The following NUP98 variants were observed in gnomAD, a reference collection of about 807,000 sequenced individuals.
The protein encoded by NUP98 is nuclear pore complex protein Nup98-Nup96.
NUP98 carries 26 observed loss-of-function variants against 191.9 expected under a neutral mutation model. That is an observed-to-expected ratio of 0.14 (90% CI 0.10 to 0.19). The LOEUF (loss-of-function observed/expected upper bound fraction) is 0.19, where lower values mean the gene tolerates loss of function less well. Ranked by LOEUF, NUP98 falls within the 10% of genes least tolerant of loss-of-function variation. The probability of loss-of-function intolerance (pLI) is 1.00; values close to 1 mark genes in which losing one functional copy is unlikely to be tolerated. For missense variants in NUP98, 1,941 were observed against 2,178.8 expected (o/e 0.89, Z 2.17); for synonymous variants, 808 against 778.4 (o/e 1.04, Z -0.63).
chr11:3,696,373 G>A (rs1011476334), intron 25 of NUP98, among the ~76,000 whole-genome samples: 3 of 151,908 alleles, frequency 2.0e-5, no homozygotes, highest in Non-Finnish European at 4.4e-5. Flanking sequence ...GTGGTGGCAC[G>A]TGACTGGAGT....
At chr11:3,683,713 AT>A (rs35621364) in intron 29 of NUP98, among the ~76,000 whole-genome samples, 111,726 of 151,502 alleles carry the variant, frequency 0.74, 42,377 homozygotes, top group Admixed American at 0.87. Context: ...TAATTTTGTA[AT>A]TTTAGTAGAG....
intron 8 of NUP98, among the ~76,000 whole-genome samples, chr11:3,768,256 C>T (rs2081405287): frequency 6.6e-6 from 1 of 151,824 alleles, no homozygotes; most frequent in African/African-American, 2.4e-5. Flanking sequence ...CCCATCTGTA[C>T]TAAAAACACA....
In NUP98 at chr11:3,691,246, T is replaced by TA. The variant is rs2078301188; in HGVS notation, c.4454+100dup. ...TTATATTTGGTAGTTTATATGGACT[T>TA]ACAGCAATCTGGGGACATATAAAAG... On this transcript the variant is annotated intron_variant, in intron 28 of 32. Transcript: ENST00000324932. The TA allele has an allele frequency of 8.5e-6, 11 of 1,289,128 alleles. No individual in the cohort carries two copies. In the South Asian group the frequency reaches 1.3e-4, roughly 15 times the overall value. 79.9% of individuals were successfully genotyped at this position (1,289,128 alleles called of 1,614,324 possible).
chr11:3,797,448 C>G lies in NUP98; in HGVS notation c.-77G>C. The G allele has an allele frequency of 2.4e-6, 1 of 414,384 alleles. No homozygotes were observed. Among genetic ancestry groups the G allele is most frequent in the Non-Finnish European group, 4.2e-6 (1 of 235,302 alleles). The allele number at this position is 414,384 out of a possible 1,614,324, so 25.7% of individuals were successfully genotyped here. The stretch of plus-strand genomic sequence containing the variant: ...GTGTCAGGAGTCCCCTGCTGCCACC[C>G]GCCGCTCACAGAGCAGCGCGCGGCC... On this transcript the variant is annotated 5_prime_UTR_variant, in exon 1 of 33. Transcript: ENST00000324932.
rs1042027964 is a variant in NUP98 at position 3,772,990 on chromosome 11, CAA to C, written c.603+640_603+641del. ...AGATGCTGTCTCAAAAACAAACAAA[CAA>C]AAAAAACAAAAAAAAACCAACTTTT... On this transcript the variant is annotated intron_variant, in intron 6 of 32. Transcript: ENST00000324932. Among the ~76,000 whole-genome samples the C allele has an allele frequency of 3.3e-5, 5 of 150,220 alleles. No homozygotes were observed. In the East Asian group the frequency reaches 9.7e-4, roughly 29 times the overall value.
At chr11:3,722,055 T>C (rs1221488156) in intron 16 of NUP98, among the ~76,000 whole-genome samples, 1 of 148,506 alleles carries the variant, frequency 6.7e-6, no homozygotes, top group Non-Finnish European at 1.5e-5. Flanking sequence ...AGTAGCATAA[T>C]AAATTCATGT....
At chr11:3,684,619 T>TG (rs920280330) in intron 29 of NUP98, among the ~76,000 whole-genome samples, 22 of 152,236 alleles carry the variant, frequency 1.4e-4, no homozygotes, top group African/African-American at 5.3e-4. Flanking sequence ...TTTCATTCCC[T>TG]GTTAAAGGGG....
rs2078304941 is a variant in NUP98, at chr11:3,691,379, G to A, written c.4422C>T (p.Val1474=). ...TGTAGAGTTTTAGAAGGTGAAAGCA[G>A]ACATCTCGAAGTGGTGTCTGTGAGT... The part of the protein sequence containing the change: ...EQNSQTPLRD[V]CFHLLKLYSD... Residue 1474 remains valine (V), a synonymous_variant, in exon 28 of 33, where the codon GTC becomes GTT. Coordinates refer to ENST00000324932, the MANE Select transcript of NUP98 (RefSeq NM_016320.5). The A allele has an allele frequency of 6.2e-7, 1 of 1,614,052 alleles. No individual in the cohort carries two copies.
chr11:3,762,871 CTTCAAAT>C (rs764570072), intron 9 of NUP98, 24 bp downstream of exon 9: 37 of 1,604,848 alleles, frequency 2.3e-5, no homozygotes, highest in Non-Finnish European at 1.7e-6. Context: ...TTACACACAT[CTTCAAAT>C]TACAGTCAAC....
At position 3,691,406 on chromosome 11, in the gene NUP98, T is replaced by G. The variant is rs766894502; in HGVS notation, c.4395A>C (p.Gln1465His). 4 of 1,614,122 alleles carry G rather than the reference T, an allele frequency of 2.5e-6. No homozygotes were observed. In the East Asian group the frequency reaches 6.7e-5, roughly 27 times the overall value. ...CATCTCGAAGTGGTGTCTGTGAGTT[T>G]TGCTCCTCCGCTATCACACAGCCAG... ...EGSGCVIAEE[Q>H]NSQTPLRDVC... The change falls in exon 28 of 33, where the codon CAA (glutamine) becomes CAC (histidine). Residue 1465 changes from glutamine to histidine, a missense_variant. Transcript: ENST00000324932.
In NUP98 at chr11:3,725,127, G is replaced by C. The variant is rs755252616; in HGVS notation, c.1823C>G (p.Ser608Cys). 2 of 1,574,652 alleles carry C rather than the reference G, an allele frequency of 1.3e-6. No homozygotes were observed. Among genetic ancestry groups the C allele is most frequent in the Admixed American group, 1.7e-5 (1 of 59,822 alleles). ...NRDSENLASP[S>C]EYPENGERFS... Reference sequence around the variant, plus strand: ...CCTCTCTCCATTTTCTGGATATTCAGATGGTGAAGCTAGATTTTCTGAATC... The same window carrying C: ...CCTCTCTCCATTTTCTGGATATTCACATGGTGAAGCTAGATTTTCTGAATC... The change falls in exon 15 of 33, where the codon TCT becomes TGT. Residue 608 changes from serine (S) to cysteine (C), a missense_variant. Transcript: ENST00000324932.
At chr11:3,748,173 G>T (rs1267391074) in intron 11 of NUP98, among the ~76,000 whole-genome samples, 1 of 152,128 alleles carries the variant, frequency 6.6e-6, no homozygotes, top group African/African-American at 2.4e-5. Flanking sequence ...AGAGACAAAA[G>T]CATCAGAAAA....
At chr11:3,778,063 G>A (rs2081811782) in intron 4 of NUP98, among the ~76,000 whole-genome samples, 2 of 151,400 alleles carry the variant, frequency 1.3e-5, no homozygotes, top group Admixed American at 6.6e-5. Context: ...GCCGGGCATG[G>A]TGGCAGGCGC....
At chr11:3,717,479 A>T (rs1233537958) in intron 18 of NUP98, among the ~76,000 whole-genome samples, 1 of 152,028 alleles carries the variant, frequency 6.6e-6, no homozygotes, top group African/African-American at 2.4e-5. Flanking sequence ...ATGTTTTCTT[A>T]ATTTTTGTTG....
In NUP98 at chr11:3,727,172, G is replaced by A. The variant is rs183311484; in HGVS notation, c.1731-1953C>T. ...TATACCCAAACTGGGTAGGGACGCT[G>A]TAAGAAAAAAACGTTAGCTGAACAC... On this transcript the variant is annotated intron_variant, in intron 14 of 32. Coordinates refer to ENST00000324932, the MANE Select transcript of NUP98 (RefSeq NM_016320.5). Among the ~76,000 whole-genome samples, 239 of 152,242 alleles carry A rather than the reference G, an allele frequency of 1.6e-3. 4 individuals are homozygous for A. The highest frequency in any genetic ancestry group is 2.0e-3 in the Non-Finnish European group (134 of 68,008).
chr11:3,772,612 C>T (rs764932291), intron 6 of NUP98, among the ~76,000 whole-genome samples: 1 of 151,864 alleles, frequency 6.6e-6, no homozygotes, highest in African/African-American at 2.4e-5. Flanking sequence ...GGCCAGGGTT[C>T]AAGAACAGCC....
At chr11:3,696,442 C>G (rs534432974) in intron 25 of NUP98, among the ~76,000 whole-genome samples, 29 of 151,844 alleles carry the variant, frequency 1.9e-4, no homozygotes, top group South Asian at 8.3e-4. Flanking sequence ...GCAGAAGTTG[C>G]AGTAAACAGA....
intron 17 of NUP98, among the ~76,000 whole-genome samples, chr11:3,720,219 G>T (rs1264844699): frequency 6.6e-6 from 1 of 152,090 alleles, no homozygotes; most frequent in African/African-American, 2.4e-5. Flanking sequence ...ATAGCACAGT[G>T]GCATTTCCCA....
chr11:3,766,667 C>G (rs1173400235), intron 8 of NUP98, among the ~76,000 whole-genome samples: 1 of 129,996 alleles, frequency 7.7e-6, no homozygotes, highest in Non-Finnish European at 1.5e-5. Flanking sequence ...CCAGCCTGGG[C>G]GACAACAGTG....
Sources: allele counts gnomAD v4.1 joint callset (sites outside exome capture counted in the v4.1 genomes callset), GRCh38; gene constraint gnomAD v4.1.1; transcripts MANE v1.5; gene names NCBI Gene and HGNC (gene_info 2026-07-23, HGNC 2026-07-21).